Variants in MBD5 observed in about 807,000 individuals in gnomAD.
MBD5 encodes methyl-CpG binding domain protein 5.
A neutral mutation model predicts 117.3 loss-of-function variants in MBD5; 13 were observed. That is an observed-to-expected ratio of 0.11 (90% CI 0.07 to 0.18). The LOEUF is 0.18. MBD5 is among the 10% of genes least tolerant of loss of function. The pLI is 1.00. For synonymous variants in MBD5, 727 were observed against 766.4 expected (o/e 0.95, Z 0.85); for missense variants, 1,879 against 2,093.8 (o/e 0.90, Z 2.00).
chr2:148,229,616 C>G (rs1424411086), intron 2 of MBD5, among the ~76,000 whole-genome samples: 1 of 152,162 alleles, frequency 6.6e-6, no homozygotes, highest in Non-Finnish European at 1.5e-5. Flanking sequence ...ACTTTCTGTA[C>G]TTACTCGTAG....
In MBD5 at chr2:148,232,474, GAT is replaced by G. The variant is rs1227206903; in HGVS notation, c.-830-769_-830-768del. Among the ~76,000 whole-genome samples the G allele has an allele frequency of 4.6e-5, 7 of 152,164 alleles. No homozygotes were observed. The East Asian group carries it at 1.2e-3, about 25-fold the overall frequency. ...AAATTTAATGATGTGTGATCATATA[GAT>G]ACTTTTTTTGTTTTTTTCAAGAAAG... On this transcript the variant is annotated intron_variant, in intron 2 of 13. Coordinates refer to ENST00000642680, the MANE Select transcript of MBD5 (RefSeq NM_001378120.1).
chr2:148,097,513 A>G (rs1259404639), intron 1 of MBD5, among the ~76,000 whole-genome samples: 1 of 152,238 alleles, frequency 6.6e-6, no homozygotes, highest in African/African-American at 2.4e-5. Flanking sequence ...TTCAAATAAT[A>G]TCCAATTTGT....
chr2:148,427,574 G>A (rs189436717), intron 4 of MBD5, among the ~76,000 whole-genome samples: 1 of 151,964 alleles, frequency 6.6e-6, no homozygotes, highest in African/African-American at 2.4e-5. Flanking sequence ...TCACTCATAG[G>A]TGGGAATTGA....
intron 3 of MBD5, among the ~76,000 whole-genome samples, chr2:148,331,642 T>C (rs1702659283): frequency 1.3e-5 from 2 of 152,242 alleles, no homozygotes; most frequent in Admixed American, 1.3e-4. Flanking sequence ...AAAAGTAGTT[T>C]TTTTTCTTAA....
At chr2:148,303,898 G>T (rs1224348218) in intron 3 of MBD5, among the ~76,000 whole-genome samples, 2 of 152,136 alleles carry the variant, frequency 1.3e-5, no homozygotes, top group Non-Finnish European at 2.9e-5. Context: ...AACACTTGAT[G>T]TGGACATTTT....
chr2:148,409,965 T>C (rs1301249340), intron 4 of MBD5, among the ~76,000 whole-genome samples: 2 of 152,192 alleles, frequency 1.3e-5, no homozygotes, highest in Non-Finnish European at 2.9e-5. Context: ...AATTTAGAGT[T>C]TTTTGTATTT....
chr2:148,256,783 G>A (rs138253312), intron 3 of MBD5, among the ~76,000 whole-genome samples: 31 of 152,374 alleles, frequency 2.0e-4, no homozygotes, highest in African/African-American at 7.5e-4. Flanking sequence ...TCAGGGTCTA[G>A]GGGTGCCTCA....
intron 1 of MBD5, among the ~76,000 whole-genome samples, chr2:148,138,047 C>T (rs947999017): frequency 2.0e-5 from 3 of 152,050 alleles, no homozygotes; most frequent in South Asian, 2.1e-4. Flanking sequence ...TGTCAGATTA[C>T]GAATTGCAAA....
chr2:148,184,549 A>G (rs1407153367), intron 2 of MBD5, among the ~76,000 whole-genome samples: 2 of 152,130 alleles, frequency 1.3e-5, no homozygotes, highest in Non-Finnish European at 2.9e-5. Context: ...TTCTTATTAT[A>G]TGCCGCTAAT....
chr2:148,288,085 G>A (rs1701405049), intron 3 of MBD5, among the ~76,000 whole-genome samples: 1 of 151,948 alleles, frequency 6.6e-6, no homozygotes, highest in African/African-American at 2.4e-5. Context: ...GTGTGTGTGT[G>A]TATAAACTTC....
intron 1 of MBD5, among the ~76,000 whole-genome samples, chr2:148,127,564 C>A (rs1473852364): frequency 6.6e-6 from 1 of 152,150 alleles, no homozygotes; most frequent in East Asian, 1.9e-4. Context: ...AGGACATGAT[C>A]TTCCTTTCTA....
chr2:148,434,854 G>T (rs749664367), intron 4 of MBD5, among the ~76,000 whole-genome samples: 17 of 151,226 alleles, frequency 1.1e-4, no homozygotes, highest in Non-Finnish European at 2.5e-4. Flanking sequence ...TCAGTGAGTT[G>T]TTGTGTGGGA....
In MBD5 at chr2:148,126,981, T is replaced by C. The variant is rs577922780; in HGVS notation, c.-924-51719T>C. ...TTTCTTCAGCTTTTTTTCTTTCTTT[T>C]TTTTTTTTTTTTTTAGACGGAGTCT... On this transcript the variant is annotated intron_variant, in intron 1 of 13. Transcript: ENST00000642680. 1.4e-3 allele frequency among the ~76,000 whole-genome samples: 205 copies of C among 149,698 alleles called. 1 individual carries two copies. Among genetic ancestry groups the C allele is most frequent in the South Asian group, 2.7e-3 (13 of 4,744 alleles).
chr2:148,258,253 T>A (rs1700638153), intron 3 of MBD5, among the ~76,000 whole-genome samples: 1 of 152,124 alleles, frequency 6.6e-6, no homozygotes, highest in Non-Finnish European at 1.5e-5. Flanking sequence ...ACCCCCAGAA[T>A]GTATTCAGGT....
chr2:148,050,561 T>C (rs1315827043), intron 1 of MBD5, among the ~76,000 whole-genome samples: 1 of 152,182 alleles, frequency 6.6e-6, no homozygotes, highest in East Asian at 1.9e-4. Flanking sequence ...AAATTTTGTC[T>C]CAATAATTTT....
intron 4 of MBD5, among the ~76,000 whole-genome samples, chr2:148,410,605 A>G (rs1419817415): frequency 6.6e-6 from 1 of 151,926 alleles, no homozygotes; most frequent in African/African-American, 2.4e-5. Context: ...TAACTTTGGT[A>G]TTTTTTGTAG....
chr2:148,258,706 C>T (rs908322420), intron 3 of MBD5, among the ~76,000 whole-genome samples: 2 of 152,196 alleles, frequency 1.3e-5, no homozygotes, highest in Non-Finnish European at 2.9e-5. Flanking sequence ...CTCCACAAAG[C>T]TAAGAGTACT....
At chr2:148,354,875 G>A (rs181802886) in intron 4 of MBD5, among the ~76,000 whole-genome samples, 5 of 151,890 alleles carry the variant, frequency 3.3e-5, no homozygotes, top group African/African-American at 7.3e-5. Flanking sequence ...TTTTTCATAC[G>A]TTTGTTGGCT....
rs1028592797 is a variant in MBD5, at chr2:148,328,153, G to A, written c.-679-14061G>A. ...GGGGTGCCTCCTAGTTAGGCTGCTC[G>A]GGGGTCAGGGGTCAGGGACCCACTT... On this transcript the variant is annotated intron_variant, in intron 3 of 13. Coordinates refer to ENST00000642680, the MANE Select transcript of MBD5 (RefSeq NM_001378120.1). Among the ~76,000 whole-genome samples the A allele has an allele frequency of 7.2e-5, 11 of 152,300 alleles. No individual in the cohort carries two copies. The East Asian group carries it at 7.7e-4, about 11-fold the overall frequency.
Sources: gnomAD v4.1 joint callset for allele counts (sites outside exome capture counted in the v4.1 genomes callset) on GRCh38, gnomAD v4.1.1 for gene constraint, MANE v1.5 for transcripts, NCBI Gene and HGNC (gene_info 2026-07-23, HGNC 2026-07-21) for gene names.